The following SLC39A11 variants were observed in gnomAD, a reference collection of about 807,000 sequenced individuals.
The protein encoded by SLC39A11 is solute carrier family 39 member 11, also known as zinc transporter ZIP11.
SLC39A11 carries 33 observed loss-of-function variants against 36.1 expected under a neutral mutation model. That is an observed-to-expected ratio of 0.91 (90% CI 0.69 to 1.22). The LOEUF is 1.22. SLC39A11 is among the 50% of genes most tolerant of loss of function. The pLI, the probability that SLC39A11 is intolerant of heterozygous loss-of-function variation, is 0.00. For missense variants in SLC39A11, 432 were observed against 430.3 expected, an observed-to-expected ratio of 1.00 and a Z score of -0.03; for synonymous variants, 166 against 170.3, an observed-to-expected ratio of 0.97 and a Z score of 0.20.
chr17:72,692,014 A>AT (rs112360074), intron 7 of SLC39A11, among the ~76,000 whole-genome samples: 58,688 of 144,412 alleles, frequency 0.41, 11,831 homozygotes, highest in Middle Eastern at 0.44. Flanking sequence ...AAAGTAGTGG[A>AT]TTTTTTTTTT....
chr17:73,087,526 G>T (rs1031887731), intron 2 of SLC39A11, among the ~76,000 whole-genome samples: 1 of 152,202 alleles, frequency 6.6e-6, no homozygotes, highest in Non-Finnish European at 1.5e-5. Flanking sequence ...GATGGCTCCA[G>T]GGCTGCGGAC....
intron 7 of SLC39A11, among the ~76,000 whole-genome samples, chr17:72,706,978 C>A (rs1033807901): frequency 6.6e-6 from 1 of 152,172 alleles, no homozygotes; most frequent in Non-Finnish European, 1.5e-5. Context: ...AATATGGTAG[C>A]CATGGGTTAT....
intron 7 of SLC39A11, among the ~76,000 whole-genome samples, chr17:72,666,587 C>T (rs925879699): frequency 2.0e-5 from 3 of 152,214 alleles, no homozygotes; most frequent in African/African-American, 7.2e-5. Context: ...CCCACTGCCC[C>T]CTTGTTTAGA....
At chr17:72,762,499 C>T (rs1356538951) in intron 6 of SLC39A11, among the ~76,000 whole-genome samples, 1 of 152,184 alleles carries the variant, frequency 6.6e-6, no homozygotes, top group East Asian at 1.9e-4. Flanking sequence ...CATGAATAAT[C>T]CACCCCTTGT....
intron 6 of SLC39A11, among the ~76,000 whole-genome samples, chr17:72,746,714 G>A (rs768028486): frequency 6.6e-6 from 1 of 151,936 alleles, no homozygotes. Context: ...CTCCAGCCTG[G>A]GTGACAGAGC....
At chr17:72,915,553 T>C (rs547919300) in intron 5 of SLC39A11, among the ~76,000 whole-genome samples, 66 of 152,224 alleles carry the variant, frequency 4.3e-4, no homozygotes, top group Non-Finnish European at 8.1e-4. Flanking sequence ...CTCACCTCCA[T>C]AAATTAAAAT....
intron 6 of SLC39A11, among the ~76,000 whole-genome samples, chr17:72,798,418 CTT>C (rs3060856): frequency 2.8e-5 from 4 of 142,990 alleles, no homozygotes; most frequent in Admixed American, 7.1e-5. Context: ...TTCTTTCTTT[CTT>C]TTTTTTTTTT....
chr17:72,982,080 A>G (rs1303124245), intron 4 of SLC39A11, among the ~76,000 whole-genome samples: 1 of 33,916 alleles, frequency 2.9e-5, no homozygotes, highest in Non-Finnish European at 7.9e-5. Flanking sequence ...CCATCTCTAA[A>G]ATTTTTTTTT....
intron 4 of SLC39A11, among the ~76,000 whole-genome samples, chr17:72,951,206 G>T (rs950372597): frequency 1.4e-5 from 2 of 145,822 alleles, no homozygotes; most frequent in Non-Finnish European, 3.0e-5. Flanking sequence ...AGGCTGCAGT[G>T]GGCCAAGATC....
chr17:72,885,232 T>C (rs992093787), intron 5 of SLC39A11, among the ~76,000 whole-genome samples: 8 of 152,200 alleles, frequency 5.3e-5, no homozygotes, highest in African/African-American at 1.7e-4. Context: ...TATATTGGAA[T>C]TAAACAGCTT....
At chr17:72,649,840 G>A (rs1357454974) in intron 7 of SLC39A11, among the ~76,000 whole-genome samples, 2 of 151,960 alleles carry the variant, frequency 1.3e-5, no homozygotes, top group Non-Finnish European at 2.9e-5. Context: ...TGATCTGCCT[G>A]CCTTGGCCTC....
At chr17:72,651,133 A>AATCTCATAC (rs140453813) in intron 7 of SLC39A11, among the ~76,000 whole-genome samples, 2,336 of 152,268 alleles carry the variant, frequency 0.015, 63 homozygotes, top group African/African-American at 0.053. Context: ...GCCCTAACAG[A>AATCTCATAC]ATCTCATACC....
At chr17:72,705,796 C>T (rs374119109) in intron 7 of SLC39A11, among the ~76,000 whole-genome samples, 14 of 152,330 alleles carry the variant, frequency 9.2e-5, no homozygotes, top group African/African-American at 3.1e-4. Flanking sequence ...AGCCTACCGT[C>T]GACAACGGGT....
chr17:73,079,286 G>A (rs1444465382), intron 3 of SLC39A11, among the ~76,000 whole-genome samples: 3 of 151,970 alleles, frequency 2.0e-5, no homozygotes, highest in Non-Finnish European at 4.4e-5. Flanking sequence ...TAGCAGAGAC[G>A]GGGTTTCACC....
At chr17:72,667,820 C>T (rs1437369243) in intron 7 of SLC39A11, among the ~76,000 whole-genome samples, 1 of 152,246 alleles carries the variant, frequency 6.6e-6, no homozygotes, top group African/African-American at 2.4e-5. Context: ...CTGGCACTTG[C>T]TCTATGCAGA....
intron 7 of SLC39A11, among the ~76,000 whole-genome samples, chr17:72,697,654 G>A (rs2072370797): frequency 6.6e-6 from 1 of 152,136 alleles, no homozygotes; most frequent in Non-Finnish European, 1.5e-5. Flanking sequence ...TGGCAGCTAA[G>A]TCCTCCCTCT....
At chr17:72,790,537 CTT>C (rs1555673415) in intron 6 of SLC39A11, among the ~76,000 whole-genome samples, 2 of 145,408 alleles carry the variant, frequency 1.4e-5, no homozygotes, top group Admixed American at 6.9e-5. Context: ...CTCTCTCTCT[CTT>C]TTTTTTTTTT....
chr17:73,013,675 CATT>C (rs2148521747), intron 4 of SLC39A11, among the ~76,000 whole-genome samples: 1 of 122,280 alleles, frequency 8.2e-6, no homozygotes, highest in African/African-American at 2.8e-5. Context: ...TTTCTTAAAA[CATT>C]ATGAGGTTTT....
At chr17:72,948,752 C>A (rs1466088031) in intron 4 of SLC39A11, among the ~76,000 whole-genome samples, 1 of 152,196 alleles carries the variant, frequency 6.6e-6, no homozygotes, top group Non-Finnish European at 1.5e-5. Context: ...TGCGTTTGAT[C>A]CTCACATTTA....
Sources: gnomAD v4.1 joint callset for allele counts (sites outside exome capture counted in the v4.1 genomes callset) on GRCh38, gnomAD v4.1.1 for gene constraint, MANE v1.5 for transcripts, NCBI Gene and HGNC (gene_info 2026-07-23, HGNC 2026-07-21) for gene names.